CPA5: variants seen among roughly 807,000 people sequenced by gnomAD.
CPA5 encodes the protein testicular tissue protein Li 32.
In CPA5, 38 loss-of-function variants were observed where a neutral mutation model predicts 52.2. That is an observed-to-expected ratio of 0.73 (90% CI 0.56 to 0.95). The LOEUF (loss-of-function observed/expected upper bound fraction) is 0.95. Ranked by LOEUF, CPA5 falls within the 40% of genes least tolerant of loss-of-function variation. The pLI, the probability that CPA5 is intolerant of heterozygous loss-of-function variation, is 0.00. For missense variants in CPA5, 519 were observed against 566.7 expected (o/e 0.92, Z 0.86); for synonymous variants, 198 against 213.7 (o/e 0.93, Z 0.64).
chr7:130,357,102 T>G (rs1283270205), intron 5 of CPA5, among the ~76,000 whole-genome samples: 1 of 152,220 alleles, frequency 6.6e-6, no homozygotes, highest in Admixed American at 6.5e-5. Context: ...GGCCAGCTAG[T>G]GCAGCTGGAA....
intron 6 of CPA5, 43 bp from the exon 7 acceptor site, chr7:130,361,100 C>T (rs782399554): frequency 7.7e-7 from 1 of 1,295,378 alleles, no homozygotes; most frequent in Non-Finnish European, 1.1e-6. Context: ...GTTCATCCCT[C>T]TTCCTGCTTA....
intron 4 of CPA5, among the ~76,000 whole-genome samples, chr7:130,349,041 A>C (rs1295438768): frequency 2.0e-5 from 3 of 152,206 alleles, no homozygotes; most frequent in African/African-American, 7.2e-5. Flanking sequence ...ATTCGACTTA[A>C]TAATGGCCCC....
chr7:130,364,811 G>A (rs2117443544), intron 10 of CPA5, among the ~76,000 whole-genome samples: 1 of 152,336 alleles, frequency 6.6e-6, no homozygotes, highest in Middle Eastern at 3.4e-3. Flanking sequence ...ACCATGCAAG[G>A]GGCACAGGGA....
In CPA5 at chr7:130,362,970, T is replaced by A; in HGVS notation, c.723T>A (p.Asp241Glu). 1 of 1,610,458 alleles carries A rather than the reference T, an allele frequency of 6.2e-7. No homozygotes were observed. Among genetic ancestry groups the A allele is most frequent in the African/African-American group, 1.3e-5 (1 of 74,934 alleles). ...DIFIELVTNP[D>E]GFAFTHSMNR... is the part of the protein sequence containing the mutation. ...TCATAGAGCTCGTCACAAACCCTGA[T>A]GGGTTTGCTTTTACCCACAGCATGG... Residue 241 changes from aspartate to glutamate, a missense_variant, in exon 9 of 13, where the codon GAT (aspartate) becomes GAA (glutamate). By Grantham distance (45) the Asp-to-Glu change is conservative. Transcript: ENST00000474905.
chr7:130,346,768 C>T (rs1390694251), intron 3 of CPA5, among the ~76,000 whole-genome samples, 167 bp downstream of exon 3: 1 of 152,074 alleles, frequency 6.6e-6, no homozygotes, highest in Non-Finnish European at 1.5e-5. Flanking sequence ...TTTCATGCTC[C>T]GGGGCTGGCT....
chr7:130,350,149 C>A, intron 5 of CPA5, 40 bp downstream of exon 5: 1 of 1,588,872 alleles, frequency 6.3e-7, no homozygotes, highest in Non-Finnish European at 8.5e-7. Context: ...CTTCCGCCTT[C>A]CTTTCTGGTT....
chr7:130,360,119 C>T (rs1795712333), intron 6 of CPA5, among the ~76,000 whole-genome samples: 1 of 152,178 alleles, frequency 6.6e-6, no homozygotes, highest in Admixed American at 6.5e-5. Flanking sequence ...ATAAAAAGGA[C>T]AAAAATCAGC....
At chr7:130,369,699 G>C (rs563315863), downstream of CPA5, among the ~76,000 whole-genome samples, 94 of 152,302 alleles carry the variant, frequency 6.2e-4, no homozygotes, top group African/African-American at 2.1e-3. Context: ...GTGTGTGTGT[G>C]TGTAAAACTG....
chr7:130,350,124 C>T lies in CPA5; in HGVS notation c.333+15C>T, dbSNP rs782500006. On this transcript the variant is annotated intron_variant, in intron 5 of 12. Coordinates refer to ENST00000474905, the MANE Select transcript of CPA5 (RefSeq NM_080385.5). Reference sequence around the variant, plus strand: ...AGGACATCCAGGTGAAGCCCTGCCCCAGCTGGGACCCTGCCTTCCGCCTTC... The same window carrying T: ...AGGACATCCAGGTGAAGCCCTGCCCTAGCTGGGACCCTGCCTTCCGCCTTC... 7 of 1,604,596 alleles carry T rather than the reference C, an allele frequency of 4.4e-6. No individual in the cohort carries two copies. In the Admixed American group the frequency reaches 1.0e-4, roughly 23 times the overall value.
At chr7:130,357,952 CTGTGTGTGTGTGTGTGTGTGTG>C (rs60840017) in intron 5 of CPA5, among the ~76,000 whole-genome samples, 2 of 140,022 alleles carry the variant, frequency 1.4e-5, no homozygotes, top group East Asian at 4.3e-4. Context: ...TTTTGTGCCT[CTGTGTGTGTGTGTGTGTGTGTG>C]TGTGTGTGTG....
intron 3 of CPA5, 111 bp from the exon 4 acceptor site, chr7:130,347,655 C>T (rs374910224): frequency 1.2e-6 from 1 of 861,644 alleles, no homozygotes; most frequent in East Asian, 2.5e-5. Flanking sequence ...CTCCTGGCCT[C>T]CCCGCCTGGC....
At chr7:130,348,108 G>A (rs1554402864) in intron 4 of CPA5, among the ~76,000 whole-genome samples, 3 of 152,098 alleles carry the variant, frequency 2.0e-5, no homozygotes, top group Non-Finnish European at 4.4e-5. Flanking sequence ...TGACCCATCA[G>A]GGCACCAATC....
At chr7:130,359,105 G>A (rs1421978783) in intron 5 of CPA5, among the ~76,000 whole-genome samples, 3 of 152,168 alleles carry the variant, frequency 2.0e-5, no homozygotes, top group African/African-American at 7.2e-5. Flanking sequence ...GCTTCCCCCA[G>A]GGGGGTCAGT....
Position 130,362,471 on chromosome 7 carries a change from T to A in CPA5, c.568T>A (p.Trp190Arg). The change falls in exon 8 of 13, where the codon TGG (tryptophan) becomes AGG (arginine). Residue 190 changes from tryptophan (W) to arginine (R), a missense_variant. Transcript: ENST00000474905. ...STGGSRHPAI[W>R]IDTGIHSREW... The stretch of plus-strand genomic sequence containing the variant: ...TGGAGGTTCTCGGCACCCAGCCATC[T>A]GGATTGACACTGGAATTCACTCCCG... The A allele has an allele frequency of 6.2e-7, 1 of 1,613,610 alleles. No homozygotes were observed. The highest frequency in any genetic ancestry group is 8.5e-7 in the Non-Finnish European group (1 of 1,179,590).
chr7:130,368,079 C>A, intron 12 of CPA5, 89 bp downstream of exon 12: 1 of 1,213,722 alleles, frequency 8.2e-7, no homozygotes, highest in Non-Finnish European at 1.2e-6. Flanking sequence ...CTGTGCTGGC[C>A]CAAAGCTGCC....
At position 130,363,494 on chromosome 7, in the gene CPA5, A is replaced by G. The variant is rs782440813; in HGVS notation, c.823A>G (p.Lys275Glu). 6.3e-7 allele frequency: 1 copy of G among 1,585,650 alleles called. No homozygotes were observed. The highest frequency in any genetic ancestry group is 8.6e-7 in the Non-Finnish European group (1 of 1,165,634). The stretch of plus-strand genomic sequence containing the variant: ...CGGCGTGGATCTCAACAGGAACTGG[A>G]AGTCGGGTTTTGGAGGTATGGCAAC... ...CIGVDLNRNW[K>E]SGFGGNGSNS... The change falls in exon 10 of 13, where the codon AAG becomes GAG. Residue 275 changes from lysine (K) to glutamate (E), a missense_variant. Coordinates refer to ENST00000474905, the MANE Select transcript of CPA5 (RefSeq NM_080385.5).
chr7:130,367,359 A>C lies in CPA5; in HGVS notation c.839-13A>C, dbSNP rs1796150558. 1 of 1,613,388 alleles carries C rather than the reference A, an allele frequency of 6.2e-7. No individual in the cohort carries two copies. The highest frequency in any genetic ancestry group is 1.7e-5 in the Admixed American group (1 of 59,982). On this transcript the variant is annotated splice_polypyrimidine_tract_variant and intron_variant, in intron 10 of 12. Transcript: ENST00000474905. ...GGGATTTGACTCTTTGGGTGGCTTT[A>C]TTTTACTTCCAGGAAATGGTTCTAA...
At chr7:130,347,720 G>A (rs1554402682) in intron 3 of CPA5, 46 bp from the exon 4 acceptor site, 2 of 1,530,360 alleles carry the variant, frequency 1.3e-6, no homozygotes, top group South Asian at 1.1e-5. Context: ...AGCCTTCCAG[G>A]GATCCTTCTC....
At chr7:130,359,493 CT>C (rs1213345632) in intron 5 of CPA5, 95 bp from the exon 6 acceptor site, 2 of 802,974 alleles carry the variant, frequency 2.5e-6, no homozygotes, top group Admixed American at 2.2e-5. Flanking sequence ...TGTGTTGCTG[CT>C]GTCTTTATGC....
Sources: gnomAD v4.1 joint callset for allele counts (sites outside exome capture counted in the v4.1 genomes callset) on GRCh38, gnomAD v4.1.1 for gene constraint, MANE v1.5 for transcripts, NCBI Gene and HGNC (gene_info 2026-07-23, HGNC 2026-07-21) for gene names.